Variants in LPCAT4 observed in about 807,000 individuals in gnomAD.
LPCAT4 encodes the protein lysophospholipid acyltransferase LPCAT4.
Under a neutral mutation model 66.5 loss-of-function variants are expected in LPCAT4, and 30 were observed. The ratio of observed to expected loss-of-function variants is 0.45; its 90% CI spans 0.34 to 0.61. The LOEUF is 0.61. LPCAT4 is among the 20% of genes least tolerant of loss of function. The probability of loss-of-function intolerance (pLI) is 0.01; values close to 1 mark genes in which losing one functional copy is unlikely to be tolerated. For missense variants in LPCAT4, 557 were observed against 656.7 expected (o/e 0.85, Z 1.66); for synonymous variants, 253 against 262.1 (o/e 0.97, Z 0.34).
In LPCAT4 at chr15:34,365,001, C is replaced by G. The variant is rs1433721923; in HGVS notation, c.478+7G>C. ...CCCTGCCCTTCACCCCCTTTGAACT[C>G]TCTCACCTCCAATGACAGGAACGGA... On this transcript the variant is annotated splice_region_variant and intron_variant, in intron 3 of 13. Coordinates refer to ENST00000314891, the MANE Select transcript of LPCAT4 (RefSeq NM_153613.3). 6.2e-7 allele frequency: 1 copy of G among 1,604,180 alleles called. No individual in the cohort carries two copies.
At position 34,360,209 on chromosome 15, in the gene LPCAT4, C is replaced by G. The variant is rs200946309; in HGVS notation, c.1144G>C (p.Asp382His). 1.9e-6 allele frequency: 3 copies of G among 1,613,782 alleles called. No individual in the cohort carries two copies. Among genetic ancestry groups the G allele is most frequent in the Admixed American group, 3.3e-5 (2 of 59,992 alleles). ...VAGAFGYFQQ[D>H]TKGLVDFRDV... ...CGGAAGTCCACCAAACCCTTGGTAT[C>G]CTGGTGTGAAAAAGAAACCAGGGCA... The change falls in exon 12 of 14, where the codon GAT becomes CAT. Residue 382 changes from aspartate (D) to histidine (H), a missense_variant and splice_region_variant. This residue lies in a region of LPCAT4 where 392 missense variants were observed against 473.9 expected (regional missense o/e 0.83). Coordinates refer to ENST00000314891, the MANE Select transcript of LPCAT4 (RefSeq NM_153613.3).
Position 34,358,716 on chromosome 15 carries a change from T to C in LPCAT4, c.*411A>G, listed in dbSNP as rs923497041. The C allele has an allele frequency of 1.0e-4, 16 of 153,582 alleles. No homozygotes were observed. The highest frequency in any genetic ancestry group is 3.6e-4 in the African/African-American group (15 of 41,554). The allele number at this position is 153,582 out of a possible 1,614,324, so 9.5% of individuals were successfully genotyped here. A position where few individuals can be genotyped will look rare whatever the true frequency, so the allele number is the denominator to read the frequency against. ...GAGGAAGTCTGTTAAAATGTACATA[T>C]AGGAGATGACAGCAGGAGGGAGGAT... On this transcript the variant is annotated 3_prime_UTR_variant, in exon 14 of 14. Coordinates refer to ENST00000314891, the MANE Select transcript of LPCAT4 (RefSeq NM_153613.3).
chr15:34,361,397 T>C lies in LPCAT4; in HGVS notation c.1143+3A>G. On this transcript the variant is annotated splice_donor_region_variant and intron_variant, in intron 11 of 13. Transcript: ENST00000314891. ...GCTCTGCTCTTTGTTCCAGCTCCTTTACCTGCTGGAAGTAGCCAAAGGCAC... is the reference window on the plus strand; with the variant it reads ...GCTCTGCTCTTTGTTCCAGCTCCTTCACCTGCTGGAAGTAGCCAAAGGCAC... 1 of 1,614,156 alleles carries C rather than the reference T, an allele frequency of 6.2e-7. No individual in the cohort carries two copies.
intron 13 of LPCAT4, 121 bp from the exon 14 acceptor site, chr15:34,359,423 GT>G (rs1448391382): frequency 7.6e-7 from 1 of 1,324,172 alleles, no homozygotes; most frequent in Non-Finnish European, 1.0e-6. Context: ...TCAAATCCAG[GT>G]TCAGGTCCTC....
intron 11 of LPCAT4, among the ~76,000 whole-genome samples, chr15:34,360,449 T>C (rs1218777347): frequency 6.6e-6 from 1 of 152,182 alleles, no homozygotes; most frequent in East Asian, 1.9e-4. Context: ...CTCCTAGGAA[T>C]GTAAGGGAAT....
At chr15:34,362,512 C>T (rs1351539417) in intron 9 of LPCAT4, 61 bp downstream of exon 9, 14 of 1,490,000 alleles carry the variant, frequency 9.4e-6, no homozygotes, top group South Asian at 5.2e-5. Context: ...GCCCCCTCCA[C>T]GCCCCTGTGG....
At chr15:34,360,071 T>C in intron 12 of LPCAT4, 40 bp downstream of exon 12, 1 of 1,493,858 alleles carries the variant, frequency 6.7e-7, no homozygotes, top group Non-Finnish European at 9.3e-7. Context: ...GGGGTGAGCA[T>C]AGCCACTAAG....
intron 11 of LPCAT4, 79 bp downstream of exon 11, chr15:34,361,321 G>T (rs1890936486): frequency 1.3e-6 from 2 of 1,584,104 alleles, no homozygotes; most frequent in South Asian, 2.3e-5. Context: ...AACTGTGAGT[G>T]ACTGATACGG....
rs982956240 is a variant in LPCAT4, at chr15:34,364,707, G to A, written c.478+301C>T. On this transcript the variant is annotated intron_variant, in intron 3 of 13. Coordinates refer to ENST00000314891, the MANE Select transcript of LPCAT4 (RefSeq NM_153613.3). ...GACCTCAGGTGATCCGCCCGCCTTG[G>A]CCTCCCAACGTGCTGGGATTATAGG... 4 of 333,378 alleles carry A rather than the reference G, an allele frequency of 1.2e-5. No homozygotes were observed. The Admixed American group carries it at 1.3e-4, about 11-fold the overall frequency. 20.7% of individuals were successfully genotyped at this position (333,378 alleles called of 1,614,324 possible).
At chr15:34,366,915 T>C (rs1891091157) in intron 1 of LPCAT4, 72 bp downstream of exon 1, 11 of 1,524,678 alleles carry the variant, frequency 7.2e-6, no homozygotes, top group South Asian at 1.2e-5. Context: ...CAAGCCCACC[T>C]TTGCCAGGGC....
Position 34,367,057 on chromosome 15 carries a change from G to T in LPCAT4, c.44C>A (p.Thr15Asn), listed in dbSNP as rs1479763522. The change falls in exon 1 of 14, where the codon ACC (threonine) becomes AAC (asparagine). Residue 15 changes from threonine to asparagine, a missense_variant. Thr to Asn is a moderately conservative substitution (Grantham distance 65). Around this residue, in one of 4 missense-constraint regions of LPCAT4, gnomAD observed 94 missense variants for 71.5 expected, o/e 1.32. Coordinates refer to ENST00000314891, the MANE Select transcript of LPCAT4 (RefSeq NM_153613.3). ...GTTGGGGGATGCTGGGGGTCCGGGGGTGGGATCTAGGGGGGCCCAGTCCCC... is the reference window on the plus strand; with the variant it reads ...GTTGGGGGATGCTGGGGGTCCGGGGTTGGGATCTAGGGGGGCCCAGTCCCC... ...SPGDWAPLDPTPGPPASPNPF... is the reference protein window; with the variant it reads ...SPGDWAPLDPNPGPPASPNPF... 3.2e-6 allele frequency: 5 copies of T among 1,556,604 alleles called. No individual in the cohort carries two copies. Among genetic ancestry groups the T allele is most frequent in the Non-Finnish European group, 4.3e-6 (5 of 1,149,958 alleles).
At chr15:34,366,782 G>A (rs1167165827) in intron 1 of LPCAT4, 1 of 621,736 alleles carries the variant, frequency 1.6e-6, no homozygotes, top group Non-Finnish European at 2.8e-6. Flanking sequence ...CTTCGAGCTT[G>A]TCTATCGCCC....
chr15:34,361,531 G>C lies in LPCAT4; in HGVS notation c.1012C>G (p.Leu338Val). Reference protein sequence around the residue: ...ELGKVLRKAGLSAGYVDAGAE... With the variant: ...ELGKVLRKAGVSAGYVDAGAE... Reference sequence around the variant, plus strand: ...CCAGCGTCCACATAGCCAGCGGACAGCCTACGATGGAATTGTTGAAGGCAG... The same window carrying C: ...CCAGCGTCCACATAGCCAGCGGACACCCTACGATGGAATTGTTGAAGGCAG... The change falls in exon 11 of 14, where the codon CTG becomes GTG. Residue 338 changes from leucine to valine, a missense_variant and splice_region_variant. Coordinates refer to ENST00000314891, the MANE Select transcript of LPCAT4 (RefSeq NM_153613.3). 1 of 1,613,406 alleles carries C rather than the reference G, an allele frequency of 6.2e-7. No individual in the cohort carries two copies. Among genetic ancestry groups the C allele is most frequent in the Non-Finnish European group, 8.5e-7 (1 of 1,180,026 alleles).
chr15:34,365,544 T>G lies in LPCAT4; in HGVS notation c.257+15A>C. On this transcript the variant is annotated intron_variant, in intron 2 of 13. Transcript: ENST00000314891. ...GAAGAGAAGTAGGGTCTCTGGGGGC[T>G]GATCCCTCACTTACTTCCTCCATCC... 1 of 1,614,170 alleles carries G rather than the reference T, an allele frequency of 6.2e-7. No homozygotes were observed. Among genetic ancestry groups the G allele is most frequent in the Middle Eastern group, 1.7e-4 (1 of 6,060 alleles).
Position 34,362,246 on chromosome 15 carries a change from C to T in LPCAT4, c.960G>A (p.Val320=), listed in dbSNP as rs750977573. 31 of 1,614,118 alleles carry T rather than the reference C, an allele frequency of 1.9e-5. No individual in the cohort carries two copies. The highest frequency in any genetic ancestry group is 2.6e-5 in the Non-Finnish European group (31 of 1,180,030). The change falls in exon 10 of 14, where the codon GTG becomes GTA. Residue 320 remains valine (V), a synonymous_variant. Coordinates refer to ENST00000314891, the MANE Select transcript of LPCAT4 (RefSeq NM_153613.3). ...GTTCCCAGAGCTGTGGTTCCAACGC[C>T]ACCTTCAGCCGGCCCACCACAATCA... is the stretch of plus-strand genomic sequence containing the variant. ...LPVIVVGRLK[V]ALEPQLWELG...
chr15:34,361,255 G>T, intron 11 of LPCAT4, 145 bp downstream of exon 11: 1 of 1,501,580 alleles, frequency 6.7e-7, no homozygotes, highest in South Asian at 1.3e-5. Context: ...ATCTTCAGTG[G>T]ATCTCAGGGG....
At chr15:34,365,524 G>A (rs773884115) in intron 2 of LPCAT4, 35 bp downstream of exon 2, 1 of 1,613,640 alleles carries the variant, frequency 6.2e-7, no homozygotes, top group Non-Finnish European at 8.5e-7. Context: ...GCAGGGAAGA[G>A]AAGTAGGGTC....
Position 34,365,029 on chromosome 15 carries a change from G to C in LPCAT4, c.457C>G (p.Leu153Val), listed in dbSNP as rs768427018. 6.2e-7 allele frequency: 1 copy of C among 1,611,704 alleles called. No individual in the cohort carries two copies. The highest frequency in any genetic ancestry group is 1.1e-5 in the South Asian group (1 of 91,050). The change falls in exon 3 of 14, where the codon CTT becomes GTT. Residue 153 changes from leucine to valine, a missense_variant. Transcript: ENST00000314891. ...LPKVVSRAEN[L>V]SVPVIGALLR... ...TCACCTCCAATGACAGGAACGGAAA[G>C]GTTCTCAGCTCGGGACACAACTTTG...
At chr15:34,366,786 A>G in intron 1 of LPCAT4, 1 of 635,892 alleles carries the variant, frequency 1.6e-6, no homozygotes, top group Non-Finnish European at 2.7e-6. Context: ...GAGCTTGTCT[A>G]TCGCCCAAGC....
Sources: gnomAD v4.1 joint callset for allele counts (sites outside exome capture counted in the v4.1 genomes callset) on GRCh38, gnomAD v4.1.1 for gene constraint, gnomAD v4.1.1 regional missense constraint, MANE v1.5 for transcripts, NCBI Gene and HGNC (gene_info 2026-07-23, HGNC 2026-07-21) for gene names.